The following NUMBL variants were observed in gnomAD, a reference collection of about 807,000 sequenced individuals.
NUMBL encodes numb-like protein.
Under a neutral mutation model 48.9 loss-of-function variants are expected in NUMBL, and 20 were observed. That is an observed-to-expected ratio of 0.41 (90% CI 0.29 to 0.59). The LOEUF (loss-of-function observed/expected upper bound fraction) is 0.59. Among genes scored for constraint, NUMBL ranks in the 20% least tolerant of loss-of-function variants. NUMBL has a pLI of 0.31. For synonymous variants in NUMBL, 340 were observed against 348.7 expected (o/e 0.98, Z 0.28); for missense variants, 660 against 846.2 (o/e 0.78, Z 2.73).
rs2081810307 is a variant in NUMBL, at chr19:40,666,748, A to C, written c.*720T>G. 6.6e-6 allele frequency: 1 copy of C among 152,616 alleles called. No individual in the cohort carries two copies. The highest frequency in any genetic ancestry group is 1.5e-5 in the Non-Finnish European group (1 of 68,102). The allele number at this position is 152,616 out of a possible 1,614,324, so 9.5% of individuals were successfully genotyped here. On this transcript the variant is annotated 3_prime_UTR_variant, in exon 10 of 10. Coordinates refer to ENST00000252891, the MANE Select transcript of NUMBL (RefSeq NM_004756.5). ...AATACAAATCTTCAAGTTTAGATACAAAAAAAATCTGGAAATAAAAGATAG... is the reference window on the plus strand; with the variant it reads ...AATACAAATCTTCAAGTTTAGATACCAAAAAAATCTGGAAATAAAAGATAG...
intron 8 of NUMBL, among the ~76,000 whole-genome samples, chr19:40,672,220 T>C (rs1340362567): frequency 6.6e-6 from 1 of 152,198 alleles, no homozygotes; most frequent in Non-Finnish European, 1.5e-5. Context: ...ACCTGTCTCC[T>C]TTCCCTGGCC....
rs942726746 is a variant in NUMBL, at chr19:40,687,764, A to T, written c.25-769T>A. Among the ~76,000 whole-genome samples, 1 of 152,270 alleles carries T rather than the reference A, an allele frequency of 6.6e-6. No homozygotes were observed. The highest frequency in any genetic ancestry group is 2.4e-5 in the African/African-American group (1 of 41,550). On this transcript the variant is annotated intron_variant, in intron 1 of 9. Transcript: ENST00000252891. This position sits in a 1 kb window ranked among gnomAD's most constrained non-coding sequence, Gnocchi z 4.6. ...TGCTGACCCAGTCCCACACGACACA[A>T]TCGCAGCTATATACACTTGTTACAC...
Position 40,682,639 on chromosome 19 carries a change from T to C in NUMBL, c.399+89A>G. On this transcript the variant is annotated intron_variant, in intron 5 of 9. Transcript: ENST00000252891. The surrounding 1 kb of genome is among the most constrained non-coding windows in gnomAD (Gnocchi z 4.0). The stretch of plus-strand genomic sequence containing the variant: ...CTAGAAGGTCCCTGAGGGAGGGATG[T>C]GCAGAGGAGGCGGGAAGGTGTCCTC... 8.2e-7 allele frequency: 1 copy of C among 1,212,428 alleles called. No homozygotes were observed. The highest frequency in any genetic ancestry group is 1.2e-6 in the Non-Finnish European group (1 of 838,234). 75.1% of individuals were successfully genotyped at this position (1,212,428 alleles called of 1,614,324 possible). A position where few individuals can be genotyped will look rare whatever the true frequency, so the allele number is the denominator to read the frequency against.
At position 40,667,969 on chromosome 19, in the gene NUMBL, T is replaced by C. The variant is rs62637691; in HGVS notation, c.1329A>G (p.Gln443=). The C allele has an allele frequency of 7.5e-5, 111 of 1,471,378 alleles. 2 individuals carry two copies. The African/African-American group carries it at 1.1e-3, about 14-fold the overall frequency. 91.1% of individuals were successfully genotyped at this position (1,471,378 alleles called of 1,614,324 possible). The stretch of plus-strand genomic sequence containing the variant: ...GGGCCACTGAGGCTGCTTGCTGCTG[T>C]TGCTGCTGCTGCTGCTGCTGCTGTT... ...QQQQQQQQQQ[Q]QQQAASVAPV... is the part of the protein sequence containing the mutation. The change falls in exon 10 of 10, where the codon CAA becomes CAG. Residue 443 remains glutamine (Q), a synonymous_variant. Transcript: ENST00000252891. The surrounding 1 kb of genome is among the most constrained non-coding windows in gnomAD (Gnocchi z 6.1).
Position 40,669,706 on chromosome 19 carries a change from G to A in NUMBL, c.1159+192C>T, listed in dbSNP as rs116740800. The stretch of plus-strand genomic sequence containing the variant: ...GATGATCCATGGTTCTAAAGTAATC[G>A]CATGATTCTCAGGTAATCCCATGGC... On this transcript the variant is annotated intron_variant, in intron 9 of 9. Coordinates refer to ENST00000252891, the MANE Select transcript of NUMBL (RefSeq NM_004756.5). Among the ~76,000 whole-genome samples the A allele has an allele frequency of 7.5e-4, 113 of 151,022 alleles. 2 individuals carry two copies. Among genetic ancestry groups the A allele is most frequent in the African/African-American group, 2.3e-3 (93 of 41,094 alleles).
At chr19:40,684,311 C>G (rs1266433131) in intron 3 of NUMBL, 106 bp downstream of exon 3, 1 of 1,313,224 alleles carries the variant, frequency 7.6e-7, no homozygotes, top group East Asian at 2.7e-5. Flanking sequence ...TTAACACCAA[C>G]TTCAAACGAC....
rs1333231347 is a variant in NUMBL at position 40,669,403 on chromosome 19, T to C, written c.1159+495A>G. 2.0e-5 allele frequency among the ~76,000 whole-genome samples: 3 copies of C among 151,996 alleles called. No homozygotes were observed. In the East Asian group the frequency reaches 5.8e-4, roughly 29 times the overall value. Reference sequence around the variant, plus strand: ...TCTAAGATGATCCATGGTTCTAGGATAATCCCCTGGCTCTAAGATGATCCC... The same window carrying C: ...TCTAAGATGATCCATGGTTCTAGGACAATCCCCTGGCTCTAAGATGATCCC... On this transcript the variant is annotated intron_variant, in intron 9 of 9. Transcript: ENST00000252891.
chr19:40,678,362 GA>G, intron 6 of NUMBL, among the ~76,000 whole-genome samples: 1 of 152,266 alleles, frequency 6.6e-6, no homozygotes, highest in Non-Finnish European at 1.5e-5. Context: ...GGGATTTCAT[GA>G]TGTTGGTGAG....
Position 40,680,917 on chromosome 19 carries a change from G to A in NUMBL, c.540C>T (p.Ser180=), listed in dbSNP as rs545198596. Residue 180 remains serine, a splice_region_variant and synonymous_variant, in exon 6 of 10, where the codon TCC becomes TCT. Transcript: ENST00000252891. The stretch of plus-strand genomic sequence containing the variant: ...GTTGGCCAGCTGTGGCAATACTCAC[G>A]GAGTCCTTCAGTGCCAGAAAACAGT... The part of the protein sequence containing the change: ...ICHCFLALKD[S]GERLSHAVGC... 115 of 1,614,146 alleles carry A rather than the reference G, an allele frequency of 7.1e-5. No individual in the cohort carries two copies. The highest frequency in any genetic ancestry group is 3.3e-4 in the Middle Eastern group (2 of 6,062).
chr19:40,673,992 C>T lies in NUMBL; in HGVS notation c.731-343G>A, dbSNP rs543033874. ...AAACACTGATTTGGTGCTGGAACAA[C>T]GTATCAGGCATTGTTCCAGATGCTT... On this transcript the variant is annotated intron_variant, in intron 7 of 9. Coordinates refer to ENST00000252891, the MANE Select transcript of NUMBL (RefSeq NM_004756.5). This position sits in a 1 kb window ranked among gnomAD's most constrained non-coding sequence, Gnocchi z 5.9. 3.0e-4 allele frequency among the ~76,000 whole-genome samples: 46 copies of T among 152,264 alleles called. 1 individual carries two copies. In the South Asian group the frequency reaches 9.3e-3, roughly 31 times the overall value.
chr19:40,686,914 G>A lies in NUMBL; in HGVS notation c.106C>T (p.Pro36Ser). ...PGPPETCRTE[P>S]DGAGTMNKLR... ...CTGTCCCAGGCTGGTCGCTCACCTG[G>A]CTCCGTCCTGCAGGTTTCTGGGGGC... The change falls in exon 2 of 10, where the codon CCA becomes TCA. Residue 36 changes from proline to serine, a missense_variant. Physicochemically the swap from Pro to Ser is moderately conservative, Grantham distance 74. Transcript: ENST00000252891. 6.5e-7 allele frequency: 1 copy of A among 1,539,310 alleles called. No individual in the cohort carries two copies. Among genetic ancestry groups the A allele is most frequent in the Non-Finnish European group, 8.8e-7 (1 of 1,136,392 alleles).
Position 40,681,046 on chromosome 19 carries a change from G to T in NUMBL, c.411C>A (p.Val137=). The change falls in exon 6 of 10, where the codon GTC becomes GTA. Residue 137 remains valine, a synonymous_variant. Transcript: ENST00000252891. ...VVDDKTKDLL[V]DQTIEKVSFC... ...AGGAGACCTTTTCGATGGTCTGGTCGACCAGAAGATCCTAGGAGGGGCCGG... is the reference window on the plus strand; with the variant it reads ...AGGAGACCTTTTCGATGGTCTGGTCTACCAGAAGATCCTAGGAGGGGCCGG... The T allele has an allele frequency of 6.2e-7, 1 of 1,614,124 alleles. No individual in the cohort carries two copies. The highest frequency in any genetic ancestry group is 8.5e-7 in the Non-Finnish European group (1 of 1,179,982).
Position 40,684,399 on chromosome 19 carries a change from C to T in NUMBL, c.249+18G>A. The T allele has an allele frequency of 6.5e-7, 1 of 1,547,704 alleles. No individual in the cohort carries two copies. Among genetic ancestry groups the T allele is most frequent in the Non-Finnish European group, 8.7e-7 (1 of 1,151,636 alleles). ...CCCCGTCCCCCTCGCCCCGCCGCAC[C>T]CTGCCGCGCCCACTCACCCTGACCG... On this transcript the variant is annotated intron_variant, in intron 3 of 9. Transcript: ENST00000252891.
intron 3 of NUMBL, 88 bp from the exon 4 acceptor site, chr19:40,683,056 G>A (rs2081913972): frequency 1.7e-6 from 2 of 1,166,380 alleles, no homozygotes; most frequent in East Asian, 2.3e-5. Context: ...CCATGCAGTA[G>A]ACAATATTTT....
At chr19:40,684,126 T>C (rs1166544883) in intron 3 of NUMBL, 2 of 274,174 alleles carry the variant, frequency 7.3e-6, no homozygotes, top group East Asian at 1.0e-4. Context: ...TGGAGTGCAA[T>C]GGCGCTATCT....
rs761555230 is a variant in NUMBL at position 40,687,476 on chromosome 19, G to C, written c.25-481C>G. ...GCATATTCATGTTCGGACACACACA[G>C]TCTCTACTACAGACATTTGTCCACA... On this transcript the variant is annotated intron_variant, in intron 1 of 9. Coordinates refer to ENST00000252891, the MANE Select transcript of NUMBL (RefSeq NM_004756.5). The surrounding 1 kb of genome is among the most constrained non-coding windows in gnomAD (Gnocchi z 4.6). 9.2e-5 allele frequency among the ~76,000 whole-genome samples: 14 copies of C among 152,136 alleles called. No homozygotes were observed. The highest frequency in any genetic ancestry group is 1.9e-4 in the Non-Finnish European group (13 of 68,026).
rs2081909476 is a variant in NUMBL at position 40,682,394 on chromosome 19, G to C, written c.399+334C>G. 6.6e-6 allele frequency among the ~76,000 whole-genome samples: 1 copy of C among 152,066 alleles called. No homozygotes were observed. The highest frequency in any genetic ancestry group is 1.5e-5 in the Non-Finnish European group (1 of 68,024). On this transcript the variant is annotated intron_variant, in intron 5 of 9. Transcript: ENST00000252891. This position sits in a 1 kb window ranked among gnomAD's most constrained non-coding sequence, Gnocchi z 4.0. ...CCCTCCTTGGCCTCCCAAAGTACTGGGATTACAGGCGTGAGCCACCACTCC... is the reference window on the plus strand; with the variant it reads ...CCCTCCTTGGCCTCCCAAAGTACTGCGATTACAGGCGTGAGCCACCACTCC...
chr19:40,673,553 T>G lies in NUMBL; in HGVS notation c.827A>C (p.Glu276Ala). The G allele has an allele frequency of 6.4e-7, 1 of 1,552,120 alleles. No individual in the cohort carries two copies. Among genetic ancestry groups the G allele is most frequent in the Non-Finnish European group, 8.7e-7 (1 of 1,147,326 alleles). Reference sequence around the variant, plus strand: ...GCCTGCAGCCACAGGGGTGCCTGCCTCACCCTTCTCACCAGGGGATGTGGT... The same window carrying G: ...GCCTGCAGCCACAGGGGTGCCTGCCGCACCCTTCTCACCAGGGGATGTGGT... The part of the protein sequence containing the change: ...PATTSPGEKG[E>A]AGTPVAAGTT... The change falls in exon 8 of 10, where the codon GAG becomes GCG. Residue 276 changes from glutamate to alanine, a missense_variant. By Grantham distance (107) the Glu-to-Ala change is moderately radical (BLOSUM62 -1). Around this residue, in one of 3 missense-constraint regions of NUMBL, gnomAD observed 278 missense variants for 420.6 expected, o/e 0.66. Coordinates refer to ENST00000252891, the MANE Select transcript of NUMBL (RefSeq NM_004756.5). The surrounding 1 kb of genome is among the most constrained non-coding windows in gnomAD (Gnocchi z 5.9).
rs1202377932 is a variant in NUMBL, at chr19:40,667,705, G to A, written c.1593C>T (p.Ala531=). Residue 531 remains alanine, a synonymous_variant, in exon 10 of 10, where the codon GCC becomes GCT. Coordinates refer to ENST00000252891, the MANE Select transcript of NUMBL (RefSeq NM_004756.5). This position sits in a 1 kb window ranked among gnomAD's most constrained non-coding sequence, Gnocchi z 6.1. ...AGGCCCCAGCTTTCCCAAGCAGAGT[G>A]GCAGGCTGAGGCTGGAGCTGGGCGG... The part of the protein sequence containing the change: ...CSAAQLQPQP[A]TLLGKAGAFP... The A allele has an allele frequency of 1.9e-6, 3 of 1,574,816 alleles. No individual in the cohort carries two copies. The highest frequency in any genetic ancestry group is 1.3e-5 in the African/African-American group (1 of 74,196).
Sources: gnomAD v4.1 joint callset for allele counts (sites outside exome capture counted in the v4.1 genomes callset) on GRCh38, gnomAD v4.1.1 for gene constraint, gnomAD v4.1.1 regional missense constraint, Gnocchi (gnomAD v3.1) non-coding constraint, MANE v1.5 for transcripts, NCBI Gene and HGNC (gene_info 2026-07-23, HGNC 2026-07-21) for gene names.